Variants in EYA3 observed in about 807,000 individuals in gnomAD.
The protein encoded by EYA3 is EYA transcriptional coactivator and phosphatase 3.
A neutral mutation model predicts 80.0 loss-of-function variants in EYA3; 39 were observed. The observed-to-expected ratio is 0.49, with a 90% CI of 0.38 to 0.64. The LOEUF is 0.64. Ranked by LOEUF, EYA3 falls within the 30% of genes least tolerant of loss-of-function variation. The probability of loss-of-function intolerance (pLI) is 0.00; values close to 1 mark genes in which losing one functional copy is unlikely to be tolerated. For synonymous variants in EYA3, 206 were observed against 232.8 expected (o/e 0.88, Z 1.05); for missense variants, 523 against 676.1 (o/e 0.77, Z 2.51).
chr1:28,035,710 T>G lies in EYA3; in HGVS notation c.225-30A>C, dbSNP rs181515037. ...AAAATTTCATGAAAACAAAAACTTTTGTGTGATTTACTTTAGTAACGAAAA... is the reference window on the plus strand; with the variant it reads ...AAAATTTCATGAAAACAAAAACTTTGGTGTGATTTACTTTAGTAACGAAAA... On this transcript the variant is annotated intron_variant, in intron 5 of 17. Transcript: ENST00000373871. The G allele has an allele frequency of 4.3e-6, 7 of 1,609,550 alleles. No homozygotes were observed. The Admixed American group carries it at 1.2e-4, about 27-fold the overall frequency.
At chr1:28,003,472 A>AAAACAAAC (rs111781878) in intron 11 of EYA3, among the ~76,000 whole-genome samples, 1,847 of 152,156 alleles carry the variant, frequency 0.012, 29 homozygotes, top group Middle Eastern at 0.051. Flanking sequence ...TCTCTCTCAA[A>AAAACAAAC]AAACAAACAA....
At chr1:28,050,060 A>T (rs1367227585) in intron 2 of EYA3, among the ~76,000 whole-genome samples, 1 of 152,042 alleles carries the variant, frequency 6.6e-6, no homozygotes, top group African/African-American at 2.4e-5. Flanking sequence ...AGTCTAACTT[A>T]TCATAGTCTT....
chr1:27,995,637 G>T (rs1344640667), intron 13 of EYA3, among the ~76,000 whole-genome samples: 1 of 151,888 alleles, frequency 6.6e-6, no homozygotes, highest in East Asian at 1.9e-4. Flanking sequence ...TTTGGGGGCT[G>T]GGGTGGGAGG....
In EYA3 at chr1:28,021,040, C is replaced by T. The variant is rs550151923; in HGVS notation, c.500-3801G>A. Among the ~76,000 whole-genome samples, 3 of 152,290 alleles carry T rather than the reference C, an allele frequency of 2.0e-5. No individual in the cohort carries two copies. The South Asian group carries it at 6.2e-4, about 32-fold the overall frequency. On this transcript the variant is annotated intron_variant, in intron 7 of 17. Coordinates refer to ENST00000373871, the MANE Select transcript of EYA3 (RefSeq NM_001990.4). ...CACGGTTACAGAATGGTAAGTGGCA[C>T]AGCTGCACCAAGTGATAGTGCTACA...
intron 11 of EYA3, among the ~76,000 whole-genome samples, 153 bp downstream of exon 11, chr1:28,004,183 A>ACAAGCCATTTG (rs1235261793): frequency 1.3e-5 from 2 of 152,238 alleles, no homozygotes; most frequent in East Asian, 3.8e-4. Context: ...CCTGCCTAAT[A>ACAAGCCATTTG]CAAGCCATTT....
intron 7 of EYA3, among the ~76,000 whole-genome samples, chr1:28,022,999 T>A (rs774368774): frequency 6.6e-6 from 1 of 151,048 alleles, no homozygotes; most frequent in African/African-American, 2.5e-5. Flanking sequence ...TTAAAAAAAA[T>A]GGTTGATAAT....
intron 1 of EYA3, among the ~76,000 whole-genome samples, chr1:28,082,066 C>G (rs542497191): frequency 6.6e-6 from 1 of 152,174 alleles, no homozygotes; most frequent in African/African-American, 2.4e-5. Context: ...TTACTCTGTT[C>G]AGCTCCATAA....
chr1:28,023,690 G>A (rs1642594880), intron 7 of EYA3, among the ~76,000 whole-genome samples: 1 of 152,142 alleles, frequency 6.6e-6, no homozygotes, highest in African/African-American at 2.4e-5. Flanking sequence ...AGCCTAAGGA[G>A]ACATAACTAA....
chr1:28,070,484 C>T (rs1405696730), intron 1 of EYA3, among the ~76,000 whole-genome samples: 1 of 152,050 alleles, frequency 6.6e-6, no homozygotes, highest in Non-Finnish European at 1.5e-5. Flanking sequence ...ATCACTTGAA[C>T]CCAGGAGGCA....
In EYA3 at chr1:28,001,866, G is replaced by T. The variant is rs562472699; in HGVS notation, c.994-1817C>A. ...CTGCCTCAGCCTCCCTAGTAGCTGGGATTACAGGCATGTGCCACCATGCCC... is the reference window on the plus strand; with the variant it reads ...CTGCCTCAGCCTCCCTAGTAGCTGGTATTACAGGCATGTGCCACCATGCCC... On this transcript the variant is annotated intron_variant, in intron 11 of 17. Transcript: ENST00000373871. Among the ~76,000 whole-genome samples the T allele has an allele frequency of 2.7e-5, 4 of 149,230 alleles. No individual in the cohort carries two copies. The South Asian group carries it at 8.5e-4, about 32-fold the overall frequency.
At chr1:28,028,017 T>C in intron 6 of EYA3, 91 bp from the exon 7 acceptor site, 2 of 1,423,494 alleles carry the variant, frequency 1.4e-6, no homozygotes, top group Admixed American at 4.2e-5. Flanking sequence ...AGGTTTAAAA[T>C]CTAAATCTTA....
At chr1:28,063,558 G>C (rs532351137) in intron 1 of EYA3, among the ~76,000 whole-genome samples, 1 of 151,814 alleles carries the variant, frequency 6.6e-6, no homozygotes, top group Non-Finnish European at 1.5e-5. Flanking sequence ...ATGTTGGCCA[G>C]GATGGTCCCA....
At position 28,014,436 on chromosome 1, in the gene EYA3, A is replaced by G. The variant is rs1462472304; in HGVS notation, c.586-1142T>C. On this transcript the variant is annotated intron_variant, in intron 8 of 17. Coordinates refer to ENST00000373871, the MANE Select transcript of EYA3 (RefSeq NM_001990.4). ...CTGTCTCAAAAAAAAAAAAAAAAAAAAAAAAAAAAGGCCAGGCACGGGAGC... is the reference window on the plus strand; with the variant it reads ...CTGTCTCAAAAAAAAAAAAAAAAAAGAAAAAAAAAGGCCAGGCACGGGAGC... Among the ~76,000 whole-genome samples the G allele has an allele frequency of 1.1e-4, 17 of 149,682 alleles. No homozygotes were observed. The South Asian group carries it at 3.6e-3, about 31-fold the overall frequency.
chr1:28,072,550 C>A (rs1645053548), intron 1 of EYA3, among the ~76,000 whole-genome samples: 1 of 152,104 alleles, frequency 6.6e-6, no homozygotes, highest in Non-Finnish European at 1.5e-5. Context: ...TGGCCAAATG[C>A]TGGCAAGGAT....
In EYA3 at chr1:28,024,861, T is replaced by C. The variant is rs143544350; in HGVS notation, c.499+2928A>G. Among the ~76,000 whole-genome samples, 342 of 152,234 alleles carry C rather than the reference T, an allele frequency of 2.2e-3. 2 individuals carry two copies. The highest frequency in any genetic ancestry group is 0.017 in the Middle Eastern group (5 of 294). The stretch of plus-strand genomic sequence containing the variant: ...CATTTTTATGAGCAAACAAAGGCAG[T>C]CTCTTCTCATTATGGTACCACTGAA... On this transcript the variant is annotated intron_variant, in intron 7 of 17. Coordinates refer to ENST00000373871, the MANE Select transcript of EYA3 (RefSeq NM_001990.4).
In EYA3 at chr1:28,084,766, G is replaced by A. The variant is rs552980604; in HGVS notation, c.-69+3758C>T. Among the ~76,000 whole-genome samples the A allele has an allele frequency of 2.7e-3, 409 of 150,596 alleles. 1 individual carries two copies. Among genetic ancestry groups the A allele is most frequent in the African/African-American group, 8.5e-3 (350 of 41,116 alleles). The stretch of plus-strand genomic sequence containing the variant: ...TGGGACTACAGGCATACGCCGCCAC[G>A]CCCAGCTAATTTTTTGTATTTTAGT... On this transcript the variant is annotated intron_variant, in intron 1 of 17. Coordinates refer to ENST00000373871, the MANE Select transcript of EYA3 (RefSeq NM_001990.4).
chr1:28,087,057 C>T (rs1173287369), intron 1 of EYA3, among the ~76,000 whole-genome samples: 1 of 152,136 alleles, frequency 6.6e-6, no homozygotes, highest in African/African-American at 2.4e-5. Flanking sequence ...TATTTAAGTT[C>T]ATACTGAAGT....
At chr1:28,025,574 TC>T in intron 7 of EYA3, among the ~76,000 whole-genome samples, 1 of 152,292 alleles carries the variant, frequency 6.6e-6, no homozygotes, top group Middle Eastern at 3.4e-3. Context: ...GCAACATCTA[TC>T]CACTGCTTAG....
At chr1:27,991,042 G>C (rs1640022604) in intron 14 of EYA3, among the ~76,000 whole-genome samples, 1 of 152,076 alleles carries the variant, frequency 6.6e-6, no homozygotes, top group African/African-American at 2.4e-5. Flanking sequence ...TCTGGTGCAA[G>C]CTCCTTCTTT....
Sources: gnomAD v4.1 joint callset for allele counts (sites outside exome capture counted in the v4.1 genomes callset) on GRCh38, gnomAD v4.1.1 for gene constraint, MANE v1.5 for transcripts, NCBI Gene and HGNC (gene_info 2026-07-23, HGNC 2026-07-21) for gene names.